The following RHOD variants were observed in gnomAD, a reference collection of about 807,000 sequenced individuals.
RHOD encodes rho-related GTP-binding protein RhoD.
RHOD carries 11 observed loss-of-function variants against 16.7 expected under a neutral mutation model. The observed-to-expected ratio is 0.66, with a 90% CI of 0.41 to 1.09. RHOD has a LOEUF of 1.09. RHOD is among the 50% of genes least tolerant of loss of function. The pLI, the probability that RHOD is intolerant of heterozygous loss-of-function variation, is 0.00. For missense variants in RHOD, 271 were observed against 291.7 expected (o/e 0.93, Z 0.52); for synonymous variants, 124 against 126.3 (o/e 0.98, Z 0.12).
intron 1 of RHOD, among the ~76,000 whole-genome samples, chr11:67,058,967 G>A (rs1854853353): frequency 6.6e-6 from 1 of 152,224 alleles, no homozygotes; most frequent in Admixed American, 6.5e-5. Flanking sequence ...CCCAGGCCCA[G>A]GGGAAGGCAC....
At chr11:67,069,754 G>A (rs967907204) in intron 3 of RHOD, among the ~76,000 whole-genome samples, 12 of 143,114 alleles carry the variant, frequency 8.4e-5, no homozygotes, top group Non-Finnish European at 1.7e-4. Context: ...ATGCAGTGGC[G>A]CGATCTCAGC....
chr11:67,071,644 C>A lies in RHOD; in HGVS notation c.*42C>A. The A allele has an allele frequency of 6.6e-7, 1 of 1,518,724 alleles. No homozygotes were observed. The allele number at this position is 1,518,724 out of a possible 1,614,324, so 94.1% of individuals were successfully genotyped here. A position where few individuals can be genotyped will look rare whatever the true frequency, so the allele number is the denominator to read the frequency against. On this transcript the variant is annotated 3_prime_UTR_variant, in exon 5 of 5. Coordinates refer to ENST00000308831, the MANE Select transcript of RHOD (RefSeq NM_014578.4). ...CAGCGACGCGGGAAGGGGCAGGGCG[C>A]TGACCTGCTGCTGAGCTGGCTGGGC... is the stretch of plus-strand genomic sequence containing the variant.
chr11:67,064,734 G>A (rs572868203), intron 1 of RHOD, among the ~76,000 whole-genome samples: 1 of 152,096 alleles, frequency 6.6e-6, no homozygotes, highest in African/African-American at 2.4e-5. Context: ...TTCTAGGAAG[G>A]GGGGACAACA....
At chr11:67,064,733 G>T (rs1590670682) in intron 1 of RHOD, among the ~76,000 whole-genome samples, 1 of 152,144 alleles carries the variant, frequency 6.6e-6, no homozygotes, top group Non-Finnish European at 1.5e-5. Flanking sequence ...GTTCTAGGAA[G>T]GGGGGACAAC....
In RHOD at chr11:67,066,775, C is replaced by A. The variant is rs1472617213; in HGVS notation, c.258C>A (p.Tyr86Ter). The A allele has an allele frequency of 1.9e-6, 3 of 1,613,998 alleles. No individual in the cohort carries two copies. Among genetic ancestry groups the A allele is most frequent in the Non-Finnish European group, 2.5e-6 (3 of 1,179,864 alleles). The change falls in exon 3 of 5, where the codon TAC (tyrosine) becomes TAA (stop). Residue 86 changes from tyrosine to a stop codon, truncating the protein, a stop_gained. Transcript: ENST00000308831. LOFTEE classifies it high-confidence loss of function. ...ATGACCGCCTGCGGCCCCTGTTCTA[C>A]CCTGACGCCAGCGTCCTGCTGCTTT... ...DDYDRLRPLFYPDASVLLLCF... is the reference protein window; with the variant it reads ...DDYDRLRPLF
At chr11:67,064,104 TCAA>T (rs1854927734) in intron 1 of RHOD, among the ~76,000 whole-genome samples, 1 of 52,026 alleles carries the variant, frequency 1.9e-5, no homozygotes. Flanking sequence ...AGACTCCGTC[TCAA>T]AAAAAAAAAA....
At chr11:67,059,313 G>C (rs1290326781) in intron 1 of RHOD, among the ~76,000 whole-genome samples, 2 of 152,182 alleles carry the variant, frequency 1.3e-5, no homozygotes, top group African/African-American at 2.4e-5. Flanking sequence ...GCCAAGGTGG[G>C]TGGATCACCT....
intron 1 of RHOD, among the ~76,000 whole-genome samples, chr11:67,057,863 C>A (rs1421148498): frequency 6.6e-6 from 1 of 152,238 alleles, no homozygotes; most frequent in Non-Finnish European, 1.5e-5. Flanking sequence ...GCATGCCCAC[C>A]GTTAATCCTT....
chr11:67,057,599 C>T (rs1412975098), intron 1 of RHOD, among the ~76,000 whole-genome samples: 1 of 152,218 alleles, frequency 6.6e-6, no homozygotes, highest in African/African-American at 2.4e-5. Context: ...CAGCTCTTGC[C>T]GCTGGAAAGC....
chr11:67,061,755 A>ATATATAT (rs1555071106), intron 1 of RHOD, among the ~76,000 whole-genome samples: 51 of 127,234 alleles, frequency 4.0e-4, no homozygotes, highest in African/African-American at 1.3e-3. Flanking sequence ...AAAAAAAAAA[A>ATATATAT]ATATATATAT....
At chr11:67,061,800 ATATGTGTGTGTATATATATATGTGTGTG>A (rs2136245768) in intron 1 of RHOD, among the ~76,000 whole-genome samples, 1 of 145,346 alleles carries the variant, frequency 6.9e-6, no homozygotes, top group African/African-American at 2.5e-5. Flanking sequence ...GTATATATAT[ATATGTGTGTGTATATATATATGTGTGTG>A]TGTGTGTGTG....
chr11:67,067,869 G>A (rs562486851), intron 3 of RHOD, among the ~76,000 whole-genome samples: 87 of 152,206 alleles, frequency 5.7e-4, no homozygotes, highest in Middle Eastern at 3.4e-3. Flanking sequence ...GCGCCATCTC[G>A]GCTCACTACA....
At chr11:67,068,125 G>A (rs909326141) in intron 3 of RHOD, among the ~76,000 whole-genome samples, 2 of 152,212 alleles carry the variant, frequency 1.3e-5, no homozygotes, top group Admixed American at 6.5e-5. Context: ...CAGAGCAGCT[G>A]GAAGGTGGAG....
Position 67,065,897 on chromosome 11 carries a change from G to C in RHOD, c.134G>C (p.Ser45Thr). The C allele has an allele frequency of 6.2e-7, 1 of 1,611,294 alleles. No homozygotes were observed. The highest frequency in any genetic ancestry group is 8.5e-7 in the Non-Finnish European group (1 of 1,178,164). The change falls in exon 2 of 5, where the codon AGC becomes ACC. Residue 45 changes from serine (S) to threonine (T), a missense_variant and splice_region_variant. Physicochemically the swap from Ser to Thr is moderately conservative, Grantham distance 58. Coordinates refer to ENST00000308831, the MANE Select transcript of RHOD (RefSeq NM_014578.4). Reference protein sequence around the residue: ...MVFADGAFPESYTPTVFERYM... With the variant: ...MVFADGAFPETYTPTVFERYM... ...CTCCCCCGCCCTGCTTCTCCTCAGAGCTACACCCCCACGGTGTTTGAGCGG... is the reference window on the plus strand; with the variant it reads ...CTCCCCCGCCCTGCTTCTCCTCAGACCTACACCCCCACGGTGTTTGAGCGG...
intron 1 of RHOD, among the ~76,000 whole-genome samples, chr11:67,058,139 G>GC (rs1474006684): frequency 2.6e-5 from 4 of 152,238 alleles, no homozygotes; most frequent in African/African-American, 9.6e-5. Context: ...GGGATTACAG[G>GC]CGCCCACCAC....
chr11:67,063,508 T>TAAA lies in RHOD; in HGVS notation c.133-2383_133-2381dup, dbSNP rs58807370. ...ACCCTATCTTTTTTTTTTTTTTTTT[T>TAAA]AAAAAAAGGCCAGGCGTGGTGGCTC... On this transcript the variant is annotated intron_variant, in intron 1 of 4. Coordinates refer to ENST00000308831, the MANE Select transcript of RHOD (RefSeq NM_014578.4). Among the ~76,000 whole-genome samples the TAAA allele has an allele frequency of 8.2e-4, 108 of 131,604 alleles. 1 individual carries two copies. Among genetic ancestry groups the TAAA allele is most frequent in the African/African-American group, 3.1e-3 (106 of 33,774 alleles). The allele number at this position is 131,604 out of a possible 152,430, so 86.3% of individuals were successfully genotyped here.
At position 67,071,677 on chromosome 11, in the gene RHOD, G is replaced by A. The variant is rs997526879; in HGVS notation, c.*75G>A. On this transcript the variant is annotated 3_prime_UTR_variant, in exon 5 of 5. Transcript: ENST00000308831. ...CTGCTGAGCTGGCTGGGCTGGACCC[G>A]GTCCCTAGGCTGTGACCGCCGAACT... 1 of 1,419,256 alleles carries A rather than the reference G, an allele frequency of 7.0e-7. No individual in the cohort carries two copies. Among genetic ancestry groups the A allele is most frequent in the Non-Finnish European group, 9.4e-7 (1 of 1,066,430 alleles). 87.9% of individuals were successfully genotyped at this position (1,419,256 alleles called of 1,614,324 possible).
intron 1 of RHOD, among the ~76,000 whole-genome samples, chr11:67,064,474 G>C (rs1431030987): frequency 6.6e-6 from 1 of 151,914 alleles, no homozygotes; most frequent in African/African-American, 2.4e-5. Context: ...ATTCTGGTAA[G>C]GGATCAGGAA....
chr11:67,061,271 G>T (rs1210523803), intron 1 of RHOD, among the ~76,000 whole-genome samples: 1 of 152,048 alleles, frequency 6.6e-6, no homozygotes, highest in African/African-American at 2.4e-5. Context: ...AGGCCAAGGT[G>T]TGCAGATCAC....
Sources: gnomAD v4.1 joint callset for allele counts (sites outside exome capture counted in the v4.1 genomes callset) on GRCh38, gnomAD v4.1.1 for gene constraint, MANE v1.5 for transcripts, NCBI Gene and HGNC (gene_info 2026-07-23, HGNC 2026-07-21) for gene names.